ZNF385B: variants seen among roughly 807,000 people sequenced by gnomAD.
ZNF385B encodes zinc finger protein 385B.
Under a neutral mutation model 39.2 loss-of-function variants are expected in ZNF385B, and 23 were observed. The observed-to-expected ratio is 0.59, with a 90% CI of 0.42 to 0.83. The LOEUF (loss-of-function observed/expected upper bound fraction) is 0.83. Among genes scored for constraint, ZNF385B ranks in the 40% least tolerant of loss-of-function variants. ZNF385B has a pLI of 0.00. For missense variants in ZNF385B, 552 were observed against 598.9 expected (o/e 0.92, Z 0.82); for synonymous variants, 205 against 222.6 (o/e 0.92, Z 0.70).
chr2:179,614,693 A>C (rs912897306), intron 3 of ZNF385B, among the ~76,000 whole-genome samples: 15 of 152,184 alleles, frequency 9.9e-5, no homozygotes, highest in African/African-American at 3.4e-4. Context: ...CTTCTGCTGG[A>C]TTTCCAAAGG....
intron 3 of ZNF385B, among the ~76,000 whole-genome samples, chr2:179,688,625 T>C (rs1477097525): frequency 6.6e-6 from 1 of 152,218 alleles, no homozygotes; most frequent in Non-Finnish European, 1.5e-5. Flanking sequence ...TACTGGGCAA[T>C]AAGTTAAAGG....
chr2:179,590,439 T>C (rs1479599011), intron 3 of ZNF385B, among the ~76,000 whole-genome samples: 3 of 152,256 alleles, frequency 2.0e-5, no homozygotes, highest in Non-Finnish European at 1.5e-5. Context: ...ACCATTATTT[T>C]ACCATCCAGA....
chr2:179,445,770 T>C, intron 7 of ZNF385B, 42 bp from the exon 8 acceptor site: 1 of 1,527,576 alleles, frequency 6.5e-7, no homozygotes, highest in Non-Finnish European at 8.8e-7. Flanking sequence ...TATCCAAGAA[T>C]TATATAAAGC....
chr2:179,445,017 T>A, intron 8 of ZNF385B, 40 bp from the exon 9 acceptor site: 5 of 1,523,988 alleles, frequency 3.3e-6, no homozygotes, highest in Non-Finnish European at 4.6e-6. Context: ...GAAATGTGAG[T>A]CTTATTCCAT....
At chr2:179,553,729 A>T (rs1224230671) in intron 3 of ZNF385B, among the ~76,000 whole-genome samples, 1 of 149,338 alleles carries the variant, frequency 6.7e-6, no homozygotes. Context: ...ACATTTAGAA[A>T]ATGTTGCTTC....
At chr2:179,818,030 G>A (rs944837042) in intron 1 of ZNF385B, among the ~76,000 whole-genome samples, 8 of 151,922 alleles carry the variant, frequency 5.3e-5, no homozygotes, top group African/African-American at 1.7e-4. Context: ...GACTGTGTGT[G>A]GCAGACTGAA....
chr2:179,779,834 T>C lies in ZNF385B; in HGVS notation c.-154-9162A>G, dbSNP rs141036285. Among the ~76,000 whole-genome samples, 34 of 152,334 alleles carry C rather than the reference T, an allele frequency of 2.2e-4. No individual in the cohort carries two copies. The East Asian group carries it at 6.0e-3, about 27-fold the overall frequency. Reference sequence around the variant, plus strand: ...TGATGAGTGTGTGAGGTAATTGATATGTTACTTACCTTAAGTTAGCCATTC... The same window carrying C: ...TGATGAGTGTGTGAGGTAATTGATACGTTACTTACCTTAAGTTAGCCATTC... On this transcript the variant is annotated intron_variant, in intron 1 of 9. Transcript: ENST00000410066.
chr2:179,579,533 T>C lies in ZNF385B; in HGVS notation c.299-34564A>G, dbSNP rs192745925. Among the ~76,000 whole-genome samples, 847 of 152,132 alleles carry C rather than the reference T, an allele frequency of 5.6e-3. 8 individuals are homozygous for C. The highest frequency in any genetic ancestry group is 9.0e-3 in the Non-Finnish European group (615 of 67,972). ...TCTGTTGCTTGACCAGGCATGAATA[T>C]ATACATGAATAAATATATAAATAAA... On this transcript the variant is annotated intron_variant, in intron 3 of 9. Coordinates refer to ENST00000410066, the MANE Select transcript of ZNF385B (RefSeq NM_152520.6).
chr2:179,791,131 A>C (rs1017511899), intron 1 of ZNF385B, among the ~76,000 whole-genome samples: 3 of 152,100 alleles, frequency 2.0e-5, no homozygotes, highest in African/African-American at 4.8e-5. Flanking sequence ...TTATACAAAA[A>C]TCTCCTTCCG....
At chr2:179,766,672 C>T (rs1267204393) in intron 3 of ZNF385B, among the ~76,000 whole-genome samples, 1 of 152,228 alleles carries the variant, frequency 6.6e-6, no homozygotes, top group East Asian at 1.9e-4. Flanking sequence ...TATTGGATTA[C>T]AGCCCATCCT....
In ZNF385B at chr2:179,856,433, T is replaced by C. The variant is rs757823378; in HGVS notation, c.-155+4668A>G. On this transcript the variant is annotated intron_variant, in intron 1 of 9. Transcript: ENST00000410066. ...GTAACCCACGCCCTTCATCTACAAG[T>C]GATACAGGAGCCCAGAAAAGAAACA... Among the ~76,000 whole-genome samples the C allele has an allele frequency of 4.8e-4, 73 of 151,940 alleles. 1 individual carries two copies. Among genetic ancestry groups the C allele is most frequent in the Non-Finnish European group, 8.7e-4 (59 of 67,962 alleles).
At chr2:179,688,827 C>A (rs950780846) in intron 3 of ZNF385B, among the ~76,000 whole-genome samples, 5 of 152,204 alleles carry the variant, frequency 3.3e-5, no homozygotes, top group Non-Finnish European at 7.3e-5. Context: ...CAACCCCTAC[C>A]AATTGCCCTA....
chr2:179,646,535 G>C (rs114974224), intron 3 of ZNF385B, among the ~76,000 whole-genome samples: 1 of 152,314 alleles, frequency 6.6e-6, no homozygotes, highest in African/African-American at 2.4e-5. Context: ...CTGAATAAGT[G>C]AATGAATAAA....
At chr2:179,709,597 G>A (rs1699857145) in intron 3 of ZNF385B, among the ~76,000 whole-genome samples, 1 of 152,190 alleles carries the variant, frequency 6.6e-6, no homozygotes, top group South Asian at 2.1e-4. Context: ...AGAAGACGTG[G>A]CCCATTGGCT....
At chr2:179,803,796 C>A (rs1156809255) in intron 1 of ZNF385B, among the ~76,000 whole-genome samples, 2 of 152,062 alleles carry the variant, frequency 1.3e-5, no homozygotes, top group Admixed American at 1.3e-4. Context: ...CAGCCAGTAA[C>A]AGAGCATCTG....
At chr2:179,453,144 C>T (rs1205919692) in intron 6 of ZNF385B, among the ~76,000 whole-genome samples, 9 of 152,074 alleles carry the variant, frequency 5.9e-5, no homozygotes. Context: ...ATTTCTAACA[C>T]CAAATGATAT....
chr2:179,696,257 A>G (rs1698730472), intron 3 of ZNF385B, among the ~76,000 whole-genome samples: 1 of 150,656 alleles, frequency 6.6e-6, no homozygotes, highest in Admixed American at 6.7e-5. Flanking sequence ...TATGTCACAT[A>G]CATTATATTT....
At chr2:179,831,404 T>A (rs1431752732) in intron 1 of ZNF385B, among the ~76,000 whole-genome samples, 1 of 152,084 alleles carries the variant, frequency 6.6e-6, no homozygotes, top group Non-Finnish European at 1.5e-5. Flanking sequence ...CAGTGCTGTA[T>A]TGCATTTTAC....
intron 3 of ZNF385B, among the ~76,000 whole-genome samples, chr2:179,699,880 A>C (rs1699047061): frequency 6.6e-6 from 1 of 152,230 alleles, no homozygotes; most frequent in Admixed American, 6.5e-5. Flanking sequence ...AACGAGGAAG[A>C]AAGAGTTGCT....
Sources: allele counts gnomAD v4.1 joint callset (sites outside exome capture counted in the v4.1 genomes callset), GRCh38; gene constraint gnomAD v4.1.1; transcripts MANE v1.5; gene names NCBI Gene and HGNC (gene_info 2026-07-23, HGNC 2026-07-21).